The following ERLIN2 variants were observed in gnomAD, a reference collection of about 807,000 sequenced individuals.
ERLIN2 encodes ER lipid raft associated 2, also known as erlin-2.
ERLIN2 carries 22 observed loss-of-function variants against 41.5 expected under a neutral mutation model. The observed-to-expected ratio is 0.53, with a 90% CI of 0.38 to 0.76. The LOEUF (loss-of-function observed/expected upper bound fraction) is 0.76. Among genes scored for constraint, ERLIN2 ranks in the 30% least tolerant of loss-of-function variants. The pLI is 0.00. For missense variants in ERLIN2, 247 were observed against 414.3 expected (o/e 0.60, Z 3.51); for synonymous variants, 149 against 150.9 (o/e 0.99, Z 0.09).
Position 37,754,237 on chromosome 8 carries a change from G to A in ERLIN2, c.*122G>A. ...GTCTTCCAGTTACTGTGGTGAAAAAGAAGAAATGAACTTAAATCCACTCCC... is the reference window on the plus strand; with the variant it reads ...GTCTTCCAGTTACTGTGGTGAAAAAAAAGAAATGAACTTAAATCCACTCCC... On this transcript the variant is annotated 3_prime_UTR_variant, in exon 12 of 12. Coordinates refer to ENST00000519638, the MANE Select transcript of ERLIN2 (RefSeq NM_007175.8). 1 of 826,254 alleles carries A rather than the reference G, an allele frequency of 1.2e-6. No homozygotes were observed. The highest frequency in any genetic ancestry group is 2.7e-5 in the East Asian group (1 of 37,680). The allele number at this position is 826,254 out of a possible 1,614,324, so 51.2% of individuals were successfully genotyped here.
chr8:37,748,930 G>C (rs1172037518), intron 6 of ERLIN2, among the ~76,000 whole-genome samples: 2 of 152,158 alleles, frequency 1.3e-5, no homozygotes, highest in Admixed American at 1.3e-4. Flanking sequence ...TCCAGACAAA[G>C]AAATCAGGAC....
chr8:37,747,645 G>T, intron 6 of ERLIN2: 1 of 1,609,286 alleles, frequency 6.2e-7, no homozygotes, highest in Non-Finnish European at 8.5e-7. Context: ...GGCCAAACTT[G>T]ACGACTGCTC....
chr8:37,747,921 A>C, intron 6 of ERLIN2: 1 of 1,614,168 alleles, frequency 6.2e-7, no homozygotes, highest in Non-Finnish European at 8.5e-7. Flanking sequence ...AGTAGTACAC[A>C]TGGAGGGGCT....
chr8:37,748,019 A>G, intron 6 of ERLIN2: 1 of 1,604,250 alleles, frequency 6.2e-7, no homozygotes, highest in South Asian at 1.1e-5. Flanking sequence ...TCCAGGAGCA[A>G]CCTGAAAAAC....
intron 6 of ERLIN2, chr8:37,744,988 C>T (rs1188667995): frequency 1.6e-6 from 1 of 606,980 alleles, no homozygotes; most frequent in Non-Finnish European, 2.9e-6. Flanking sequence ...TCCCACTGTT[C>T]CTAAACTATC....
At chr8:37,746,504 A>G (rs1803056004) in intron 6 of ERLIN2, 2 of 978,892 alleles carry the variant, frequency 2.0e-6, no homozygotes, top group Non-Finnish European at 2.4e-6. Context: ...TATGTATACA[A>G]CACTCCTCTG....
chr8:37,750,726 CT>C (rs112577783), intron 9 of ERLIN2, among the ~76,000 whole-genome samples: 68 of 150,040 alleles, frequency 4.5e-4, no homozygotes, highest in African/African-American at 1.0e-3. Context: ...TTAATTCTTT[CT>C]TTTTTTTTTC....
chr8:37,749,486 C>A, intron 6 of ERLIN2, 73 bp from the exon 7 acceptor site: 1 of 1,030,208 alleles, frequency 9.7e-7, no homozygotes, highest in Non-Finnish European at 1.5e-6. Flanking sequence ...TGAGCTTGCA[C>A]TTTACCTCAT....
intron 6 of ERLIN2, chr8:37,748,034 C>A (rs768502798): frequency 6.3e-7 from 1 of 1,588,804 alleles, no homozygotes; most frequent in South Asian, 1.1e-5. Context: ...AAAAACTCTA[C>A]GCAAAGAAGA....
intron 6 of ERLIN2, chr8:37,745,178 C>A: frequency 2.1e-6 from 1 of 468,518 alleles, no homozygotes; most frequent in Non-Finnish European, 3.8e-6. Flanking sequence ...TTCTTCTCAC[C>A]ATGCAACACT....
chr8:37,752,079 C>T (rs1202283404), intron 10 of ERLIN2, among the ~76,000 whole-genome samples: 2 of 152,174 alleles, frequency 1.3e-5, no homozygotes, highest in Admixed American at 1.3e-4. Context: ...CTCCCCCTTG[C>T]CTTAGCTACT....
chr8:37,737,909 A>T lies in ERLIN2; in HGVS notation c.-14A>T. The T allele has an allele frequency of 6.2e-7, 1 of 1,614,074 alleles. No homozygotes were observed. The highest frequency in any genetic ancestry group is 8.5e-7 in the Non-Finnish European group (1 of 1,179,996). ...CATTTTCCCGTGTCTTTTCCCTAGG[A>T]TAAAGGCTCACTGATGGCTCAGTTG... On this transcript the variant is annotated splice_region_variant and 5_prime_UTR_variant, in exon 2 of 12. Transcript: ENST00000519638.
intron 6 of ERLIN2, chr8:37,745,233 A>T (rs572562545): frequency 2.2e-6 from 1 of 450,744 alleles, no homozygotes; most frequent in Non-Finnish European, 3.9e-6. Flanking sequence ...GACATGATTC[A>T]TAGTTAATTC....
chr8:37,747,087 G>T (rs1038594073), intron 6 of ERLIN2, among the ~76,000 whole-genome samples: 10 of 151,604 alleles, frequency 6.6e-5, no homozygotes, highest in African/African-American at 2.4e-4. Context: ...GAAGAAGTTT[G>T]CATCAAATGG....
intron 6 of ERLIN2, chr8:37,745,755 C>T: frequency 6.6e-7 from 1 of 1,508,770 alleles, no homozygotes; most frequent in Non-Finnish European, 8.9e-7. Context: ...GAAAATGAAT[C>T]TAAATTCATT....
chr8:37,736,878 C>CGCAGCCCCAG, intron 1 of ERLIN2, 200 bp downstream of exon 1: 1 of 985,988 alleles, frequency 1.0e-6, no homozygotes, highest in Non-Finnish European at 1.2e-6. Context: ...CTATTGGAGC[C>CGCAGCCCCAG]GCAGCCCCAG....
chr8:37,751,765 T>C, intron 10 of ERLIN2, 50 bp downstream of exon 10: 1 of 1,430,448 alleles, frequency 7.0e-7, no homozygotes, highest in Non-Finnish European at 9.9e-7. Context: ...CCCCGCCCTG[T>C]GGCCAGTGGG....
intron 4 of ERLIN2, among the ~76,000 whole-genome samples, chr8:37,744,076 C>T (rs1802950337): frequency 6.6e-6 from 1 of 152,204 alleles, no homozygotes; most frequent in African/African-American, 2.4e-5. Context: ...AAAGGCATTG[C>T]TGATTCCAAA....
Position 37,740,413 on chromosome 8 carries a change from G to C in ERLIN2, c.156G>C (p.Met52Ile). ...CCAGCGGCCCTGGTTTCCATCTCAT[G>C]CTCCCTTTCATCACATCATATAAGT... ...TSTSGPGFHL[M>I]LPFITSYKSV... Residue 52 changes from methionine (M) to isoleucine (I), a missense_variant, in exon 3 of 12, where the codon ATG becomes ATC. Met to Ile is a conservative substitution (Grantham distance 10, BLOSUM62 1). Coordinates refer to ENST00000519638, the MANE Select transcript of ERLIN2 (RefSeq NM_007175.8). 6.2e-7 allele frequency: 1 copy of C among 1,613,066 alleles called. No individual in the cohort carries two copies. The highest frequency in any genetic ancestry group is 8.5e-7 in the Non-Finnish European group (1 of 1,179,426).
Sources: gnomAD v4.1 joint callset for allele counts (sites outside exome capture counted in the v4.1 genomes callset) on GRCh38, gnomAD v4.1.1 for gene constraint, MANE v1.5 for transcripts, NCBI Gene and HGNC (gene_info 2026-07-23, HGNC 2026-07-21) for gene names.